The following FSIP1 variants were observed in gnomAD, a reference collection of about 807,000 sequenced individuals.
FSIP1 encodes fibrous sheath interacting protein 1, also known as fibrous sheath-interacting protein 1.
In FSIP1, 65 loss-of-function variants were observed where a neutral mutation model predicts 60.9. That is an observed-to-expected ratio of 1.07 (90% confidence interval 0.87 to 1.31). FSIP1 has a LOEUF of 1.31. Among genes scored for constraint, FSIP1 ranks in the 40% most tolerant of loss-of-function variants. FSIP1 has a pLI of 0.00. For missense variants in FSIP1, 675 were observed against 665.5 expected (o/e 1.01, Z -0.16); for synonymous variants, 209 against 221.2 (o/e 0.94, Z 0.49).
intron 10 of FSIP1, among the ~76,000 whole-genome samples, chr15:39,641,606 T>G (rs1362827397): frequency 1.3e-5 from 2 of 152,226 alleles, no homozygotes; most frequent in Non-Finnish European, 2.9e-5. Context: ...GTTCTGACTT[T>G]CCAGTGAAAG....
intron 2 of FSIP1, among the ~76,000 whole-genome samples, chr15:39,771,382 G>A (rs67248221): frequency 0.067 from 10,213 of 152,188 alleles, 494 homozygotes; most frequent in East Asian, 0.25. Context: ...TCTGCTCTCA[G>A]CCCTCTGTAG....
intron 10 of FSIP1, among the ~76,000 whole-genome samples, chr15:39,663,274 T>A (rs1893370933): frequency 6.6e-6 from 1 of 152,168 alleles, no homozygotes; most frequent in South Asian, 2.1e-4. Context: ...CAACAAAATC[T>A]ACAGATTCGC....
rs377332853 is a variant in FSIP1, at chr15:39,682,199, C to T, written c.1188+31245G>A. On this transcript the variant is annotated intron_variant, in intron 10 of 11. Transcript: ENST00000350221. ...CCATAATTCACTTTCTTTGCAGATA[C>T]TTATGTCTTAAATATTACTGACCAT... Among the ~76,000 whole-genome samples, 104 of 152,220 alleles carry T rather than the reference C, an allele frequency of 6.8e-4. 2 individuals carry two copies. The South Asian group carries it at 0.021, about 31-fold the overall frequency.
rs1255413480 is a variant in FSIP1 at position 39,697,912 on chromosome 15, C to T, written c.1188+15532G>A. 3.3e-5 allele frequency among the ~76,000 whole-genome samples: 5 copies of T among 152,128 alleles called. No homozygotes were observed. In the East Asian group the frequency reaches 9.6e-4, roughly 29 times the overall value. On this transcript the variant is annotated intron_variant, in intron 10 of 11. Coordinates refer to ENST00000350221, the MANE Select transcript of FSIP1 (RefSeq NM_152597.5). ...CACTTCTATGGGACCTCTCTCTTCA[C>T]TATTTTTAGACTCTCCTAGAATCTT... is the stretch of plus-strand genomic sequence containing the variant.
At chr15:39,749,280 G>A (rs1387326796) in intron 5 of FSIP1, among the ~76,000 whole-genome samples, 11 of 57,784 alleles carry the variant, frequency 1.9e-4, no homozygotes, top group African/African-American at 1.1e-3. Context: ...AAAAAAACCA[G>A]GCTAGAGGGG....
At chr15:39,613,225 C>G (rs901499361) in intron 11 of FSIP1, among the ~76,000 whole-genome samples, 1 of 152,116 alleles carries the variant, frequency 6.6e-6, no homozygotes, top group African/African-American at 2.4e-5. Flanking sequence ...CTCAAAACTT[C>G]TGCTTATTTA....
chr15:39,754,542 A>AT (rs937540648), intron 5 of FSIP1, among the ~76,000 whole-genome samples: 5 of 151,962 alleles, frequency 3.3e-5, no homozygotes, highest in Non-Finnish European at 7.4e-5. Context: ...AATAATGGGG[A>AT]TAAAAAAAAA....
At chr15:39,627,881 C>A (rs1367352293) in intron 10 of FSIP1, among the ~76,000 whole-genome samples, 1 of 152,224 alleles carries the variant, frequency 6.6e-6, no homozygotes, top group Non-Finnish European at 1.5e-5. Flanking sequence ...CACTAAGACA[C>A]AATAAGCAAC....
chr15:39,616,905 A>G (rs1052492611), intron 11 of FSIP1, among the ~76,000 whole-genome samples: 2 of 152,164 alleles, frequency 1.3e-5, no homozygotes, highest in African/African-American at 4.8e-5. Context: ...CATGAGAGAC[A>G]CCGCAGGAAT....
At chr15:39,692,343 T>C (rs1894636476) in intron 10 of FSIP1, among the ~76,000 whole-genome samples, 1 of 152,246 alleles carries the variant, frequency 6.6e-6, no homozygotes, top group Non-Finnish European at 1.5e-5. Flanking sequence ...TGCATTATAA[T>C]TATGTTTCTA....
Position 39,748,273 on chromosome 15 carries a change from C to T in FSIP1, c.560-6373G>A, listed in dbSNP as rs373695882. Among the ~76,000 whole-genome samples the T allele has an allele frequency of 3.6e-4, 55 of 152,262 alleles. No individual in the cohort carries two copies. The East Asian group carries it at 9.4e-3, about 26-fold the overall frequency. ...GCACAATTATACTGAAAGACCTTAA[C>T]AGAACTCTCTAAGATGAATGCAAAT... On this transcript the variant is annotated intron_variant, in intron 5 of 11. Coordinates refer to ENST00000350221, the MANE Select transcript of FSIP1 (RefSeq NM_152597.5).
chr15:39,758,968 G>T (rs1409047513), intron 5 of FSIP1, among the ~76,000 whole-genome samples: 5 of 152,094 alleles, frequency 3.3e-5, no homozygotes, highest in Admixed American at 6.5e-5. Context: ...TAGCTGGTTA[G>T]CAAATTGGGG....
At position 39,618,196 on chromosome 15, in the gene FSIP1, T is replaced by C; in HGVS notation, c.1238A>G (p.Asp413Gly). 6.2e-7 allele frequency: 1 copy of C among 1,613,316 alleles called. No homozygotes were observed. Among genetic ancestry groups the C allele is most frequent in the South Asian group, 1.1e-5 (1 of 91,046 alleles). The change falls in exon 11 of 12, where the codon GAT becomes GGT. Residue 413 changes from aspartate to glycine, a missense_variant. By Grantham distance (94) the Asp-to-Gly change is moderately conservative. Coordinates refer to ENST00000350221, the MANE Select transcript of FSIP1 (RefSeq NM_152597.5). ...GGATTTTTGTTTAAGTATGCATTCA[T>C]CCAGAAGACACTTTAACTGTTCTTC... ...LSEEQLKCLL[D>G]ECILKQKSII...
At chr15:39,609,428 C>T (rs969399762) in intron 11 of FSIP1, among the ~76,000 whole-genome samples, 2 of 152,152 alleles carry the variant, frequency 1.3e-5, no homozygotes, top group African/African-American at 2.4e-5. Flanking sequence ...ACTAGCCTAA[C>T]CCTACCAAGC....
chr15:39,661,299 TGATGA>T, intron 10 of FSIP1, among the ~76,000 whole-genome samples: 1 of 152,296 alleles, frequency 6.6e-6, no homozygotes, highest in South Asian at 2.1e-4. Context: ...CACATCCAAA[TGATGA>T]GATGGCTTTC....
chr15:39,679,397 G>T (rs911465470), intron 10 of FSIP1, among the ~76,000 whole-genome samples: 1 of 152,170 alleles, frequency 6.6e-6, no homozygotes, highest in African/African-American at 2.4e-5. Context: ...CTGGTCATAG[G>T]CTCAGCTACT....
chr15:39,614,996 T>C (rs1313912254), intron 11 of FSIP1, among the ~76,000 whole-genome samples: 1 of 152,242 alleles, frequency 6.6e-6, no homozygotes, highest in African/African-American at 2.4e-5. Flanking sequence ...GCATTTATGG[T>C]CAATTGATTT....
intron 9 of FSIP1, among the ~76,000 whole-genome samples, chr15:39,721,875 A>C (rs1895996226): frequency 6.6e-6 from 1 of 152,196 alleles, no homozygotes; most frequent in Non-Finnish European, 1.5e-5. Context: ...GAATTTACCT[A>C]ATTTTTAAAT....
chr15:39,704,724 C>T (rs950896364), intron 10 of FSIP1, among the ~76,000 whole-genome samples: 6 of 152,196 alleles, frequency 3.9e-5, no homozygotes, highest in Middle Eastern at 3.2e-3. Context: ...TGAAGGTAGA[C>T]TTTCCACCCC....
Sources: gnomAD v4.1 joint callset for allele counts (sites outside exome capture counted in the v4.1 genomes callset) on GRCh38, gnomAD v4.1.1 for gene constraint, MANE v1.5 for transcripts, NCBI Gene and HGNC (gene_info 2026-07-23, HGNC 2026-07-21) for gene names.